Variants in C3orf49 observed in about 807,000 individuals in gnomAD.
C3orf49 encodes putative uncharacterized protein C3orf49.
C3orf49 carries 27 observed loss-of-function variants against 13.3 expected under a neutral mutation model. The observed-to-expected ratio is 2.02, with a 90% CI of 1.49 to 2.79. The LOEUF (loss-of-function observed/expected upper bound fraction) is 2.79. Among genes scored for constraint, C3orf49 ranks in the 30% most tolerant of loss-of-function variants. The pLI is 0.00. For synonymous variants in C3orf49, 87 were observed against 47.6 expected (o/e 1.83, Z -3.40); for missense variants, 242 against 134.2 (o/e 1.80, Z -3.97).
At chr3:63,834,282 C>A in intron 5 of C3orf49, 2 of 1,329,232 alleles carry the variant, frequency 1.5e-6, no homozygotes, top group East Asian at 4.7e-5. Context: ...CATGTTTATC[C>A]TTTATTAGCC....
chr3:63,835,809 TACTATATCA>T (rs1255390749), intron 5 of C3orf49, among the ~76,000 whole-genome samples: 1 of 152,112 alleles, frequency 6.6e-6, no homozygotes, highest in Non-Finnish European at 1.5e-5. Context: ...CTCAGGCAAC[TACTATATCA>T]TTCTTATTCT....
chr3:63,834,657 TAA>T (rs1227935479), intron 5 of C3orf49, among the ~76,000 whole-genome samples: 5 of 138,004 alleles, frequency 3.6e-5, no homozygotes, highest in African/African-American at 5.3e-5. Flanking sequence ...AAGACTGTCT[TAA>T]AAAAAAAAAA....
At chr3:63,796,082 G>T in the C3orf49 span, among the ~76,000 whole-genome samples, 1 of 151,944 alleles carries the variant, frequency 6.6e-6, no homozygotes, top group Non-Finnish European at 1.5e-5. Context: ...TCTAGTGGTG[G>T]GTATATGGGT....
chr3:63,823,447 AG>A lies in C3orf49; in HGVS notation c.326del (p.Gly109AlafsTer34). ...YRSKPACASQ[E>X]GSTDHKEALL... The stretch of plus-strand genomic sequence containing the variant: ...AGCAAGCCAGCATGTGCCAGCCAAG[AG>A]GGCTCCACTGACCATAAAGAAGCCC... On this transcript the variant is annotated frameshift_variant, in exon 2 of 7. Transcript: ENST00000295896. LOFTEE classifies it high-confidence loss of function. 2.8e-6 allele frequency: 2 copies of A among 703,282 alleles called. No individual in the cohort carries two copies. Among genetic ancestry groups the A allele is most frequent in the Non-Finnish European group, 5.2e-6 (2 of 385,088 alleles). 43.6% of individuals were successfully genotyped at this position (703,282 alleles called of 1,614,324 possible). A position where few individuals can be genotyped will look rare whatever the true frequency, so the allele number is the denominator to read the frequency against.
chr3:63,803,773 G>A, the C3orf49 span, among the ~76,000 whole-genome samples: 1 of 152,146 alleles, frequency 6.6e-6, no homozygotes, highest in Non-Finnish European at 1.5e-5. Flanking sequence ...AATTTCCACA[G>A]ACCAGGGTTG....
the C3orf49 span, among the ~76,000 whole-genome samples, chr3:63,810,104 C>T: frequency 6.6e-6 from 1 of 152,018 alleles, no homozygotes. Context: ...CGAGATCACA[C>T]CACTGCAATC....
Position 63,831,237 on chromosome 3 carries a change from GCTTTTAA to G in C3orf49, c.684+20_684+26del, listed in dbSNP as rs891848687. On this transcript the variant is annotated intron_variant, in intron 4 of 6. Coordinates refer to ENST00000295896, the MANE Select transcript of C3orf49 (RefSeq NM_001355236.2). ...CTTCAAATGCAGGTAGTGGACAAAG[GCTTTTAA>G]CTTTTGAGTCTCAGAAGCATCAGAG... 5.2e-5 allele frequency: 36 copies of G among 698,756 alleles called. No homozygotes were observed. The highest frequency in any genetic ancestry group is 5.7e-5 in the Non-Finnish European group (22 of 383,924). 43.3% of individuals were successfully genotyped at this position (698,756 alleles called of 1,614,324 possible).
chr3:63,801,944 CA>C, the C3orf49 span, among the ~76,000 whole-genome samples: 1 of 152,166 alleles, frequency 6.6e-6, no homozygotes, highest in African/African-American at 2.4e-5. Flanking sequence ...CATTCGTTTT[CA>C]ACACATATTT....
the C3orf49 span, among the ~76,000 whole-genome samples, chr3:63,800,941 T>A: frequency 1.3e-5 from 2 of 152,114 alleles, no homozygotes; most frequent in Admixed American, 6.6e-5. Flanking sequence ...TGGGCCTGCT[T>A]AGAGGGTAGC....
chr3:63,816,764 CTTTTCTTTTTT>C (rs1223480229), upstream of C3orf49, among the ~76,000 whole-genome samples: 1 of 80,700 alleles, frequency 1.2e-5, no homozygotes, highest in Non-Finnish European at 2.6e-5. Context: ...ATTTTCTTTT[CTTTTCTTTTTT>C]TTTTTTTTTT....
At chr3:63,799,234 G>A in the C3orf49 span, among the ~76,000 whole-genome samples, 1 of 152,144 alleles carries the variant, frequency 6.6e-6, no homozygotes, top group Admixed American at 6.6e-5. Flanking sequence ...TCCTGGATGT[G>A]GCATTGTGCT....
At chr3:63,841,346 G>A (rs115864223) in intron 5 of C3orf49, among the ~76,000 whole-genome samples, 3,630 of 152,268 alleles carry the variant, frequency 0.024, 80 homozygotes, top group African/African-American at 0.06. Flanking sequence ...TAATTTTCCT[G>A]CATGTCTTTG....
chr3:63,831,657 T>C (rs1264097181), intron 4 of C3orf49, 23 bp from the exon 5 acceptor site: 2 of 696,962 alleles, frequency 2.9e-6, no homozygotes, highest in Admixed American at 4.2e-5. Context: ...ATGGCTTCAT[T>C]TCTTTGTATT....
chr3:63,833,973 T>G (rs898183837), intron 5 of C3orf49: 19 of 655,676 alleles, frequency 2.9e-5, no homozygotes, highest in Non-Finnish European at 4.0e-5. Context: ...GAAGTCATTT[T>G]CCTTTGTGAG....
the C3orf49 span, among the ~76,000 whole-genome samples, chr3:63,795,649 A>C: frequency 2.0e-5 from 3 of 152,218 alleles, no homozygotes; most frequent in Middle Eastern, 0.01. Context: ...CAGGCTGTAA[A>C]CACTGTGTAC....
At chr3:63,816,591 A>AACAACAAC (rs2107087000), upstream of C3orf49, among the ~76,000 whole-genome samples, 1 of 151,600 alleles carries the variant, frequency 6.6e-6, no homozygotes, top group South Asian at 2.1e-4. Context: ...AAACAACAAC[A>AACAACAAC]ACAACAACAA....
chr3:63,806,162 T>G, the C3orf49 span, among the ~76,000 whole-genome samples: 1 of 152,168 alleles, frequency 6.6e-6, no homozygotes, highest in African/African-American at 2.4e-5. Context: ...ATCAAATACC[T>G]CAGCTTCCTC....
chr3:63,790,546 T>G, the C3orf49 span, among the ~76,000 whole-genome samples: 1 of 151,196 alleles, frequency 6.6e-6, no homozygotes, highest in Non-Finnish European at 1.5e-5. Context: ...TTAAATGGTG[T>G]ATAATTTCAT....
intron 5 of C3orf49, chr3:63,834,107 T>C (rs768732424): frequency 6.2e-7 from 1 of 1,612,718 alleles, no homozygotes; most frequent in Non-Finnish European, 8.5e-7. Context: ...TCAATATTCC[T>C]GGGAGTGGTG....
Sources: allele counts gnomAD v4.1 joint callset (sites outside exome capture counted in the v4.1 genomes callset), GRCh38; gene constraint gnomAD v4.1.1; transcripts MANE v1.5; gene names NCBI Gene and HGNC (gene_info 2026-07-23, HGNC 2026-07-21).